The following DCDC2 variants were observed in gnomAD, a reference collection of about 807,000 sequenced individuals.
DCDC2 encodes doublecortin domain-containing protein 2.
In DCDC2, 40 loss-of-function variants were observed where a neutral mutation model predicts 50.2. The ratio of observed to expected loss-of-function variants is 0.80; its 90% CI spans 0.62 to 1.04. The LOEUF is 1.04. Ranked by LOEUF, DCDC2 falls within the 50% of genes least tolerant of loss-of-function variation. The pLI is 0.00. For missense variants in DCDC2, 570 were observed against 581.9 expected (o/e 0.98, Z 0.21); for synonymous variants, 234 against 210.6 (o/e 1.11, Z -0.96).
intron 8 of DCDC2, among the ~76,000 whole-genome samples, chr6:24,186,605 G>C (rs1761209769): frequency 6.6e-6 from 1 of 152,192 alleles, no homozygotes; most frequent in African/African-American, 2.4e-5. Context: ...ATAACCAATG[G>C]ATAATGAGGC....
At chr6:24,288,585 G>A (rs574532506) in intron 6 of DCDC2, among the ~76,000 whole-genome samples, 42 of 152,128 alleles carry the variant, frequency 2.8e-4, no homozygotes, top group Non-Finnish European at 5.7e-4. Flanking sequence ...ACAGTTTAAA[G>A]TATTATTGCC....
the DCDC2 span, among the ~76,000 whole-genome samples, chr6:24,376,737 C>CAAAAAAAAAA: frequency 8.6e-5 from 4 of 46,754 alleles, no homozygotes; most frequent in Non-Finnish European, 1.5e-4. Context: ...CAGGTATATG[C>CAAAAAAAAAA]AAAAAAAAAA....
At chr6:24,309,934 A>G (rs1385200741) in intron 2 of DCDC2, among the ~76,000 whole-genome samples, 2 of 152,220 alleles carry the variant, frequency 1.3e-5, no homozygotes, top group Non-Finnish European at 2.9e-5. Context: ...GTTCAGGACC[A>G]GCTTGGGCAA....
At chr6:24,355,830 GAGA>G (rs1324740722) in intron 1 of DCDC2, among the ~76,000 whole-genome samples, 12 of 152,020 alleles carry the variant, frequency 7.9e-5, no homozygotes, top group African/African-American at 1.7e-4. Context: ...ACAAATATAG[GAGA>G]AGAAGGATTA....
intron 2 of DCDC2, among the ~76,000 whole-genome samples, chr6:24,302,700 C>G (rs551831962): frequency 2.0e-5 from 3 of 152,194 alleles, no homozygotes; most frequent in Admixed American, 2.0e-4. Context: ...CACGGGGCCC[C>G]ATGAGCAGCC....
intron 7 of DCDC2, among the ~76,000 whole-genome samples, chr6:24,227,827 G>A (rs551423772): frequency 6.6e-6 from 1 of 152,300 alleles, no homozygotes; most frequent in Admixed American, 6.5e-5. Flanking sequence ...TAAACAGAAG[G>A]GGGCAGGTCA....
intron 2 of DCDC2, among the ~76,000 whole-genome samples, chr6:24,342,497 G>C (rs1386849175): frequency 6.6e-6 from 1 of 152,106 alleles, no homozygotes; most frequent in African/African-American, 2.4e-5. Context: ...CGCTCCTTCT[G>C]GGCTTCCACA....
intron 2 of DCDC2, among the ~76,000 whole-genome samples, chr6:24,320,217 C>G (rs775921704): frequency 5.9e-5 from 9 of 152,134 alleles, no homozygotes; most frequent in Non-Finnish European, 7.4e-5. Flanking sequence ...CCTACTATTA[C>G]AGAAAGAAGT....
intron 7 of DCDC2, among the ~76,000 whole-genome samples, chr6:24,236,001 T>C (rs1296558960): frequency 2.0e-5 from 3 of 152,154 alleles, no homozygotes; most frequent in Non-Finnish European, 4.4e-5. Context: ...GAAGAGCCAA[T>C]GTCATTAAAA....
chr6:24,286,403 G>A (rs966127277), intron 6 of DCDC2, among the ~76,000 whole-genome samples: 1 of 152,094 alleles, frequency 6.6e-6, no homozygotes, highest in African/African-American at 2.4e-5. Context: ...GAACAGCCTG[G>A]GCAACAAGGT....
At chr6:24,239,266 C>T (rs983080898) in intron 7 of DCDC2, among the ~76,000 whole-genome samples, 1 of 152,096 alleles carries the variant, frequency 6.6e-6, no homozygotes, top group Non-Finnish European at 1.5e-5. Context: ...GTGGCATTCC[C>T]TTTGGACCAA....
At chr6:24,227,499 C>T (rs1424656385) in intron 7 of DCDC2, among the ~76,000 whole-genome samples, 1 of 152,136 alleles carries the variant, frequency 6.6e-6, no homozygotes, top group Admixed American at 6.5e-5. Flanking sequence ...GAAGCCAGAC[C>T]CGTCAAAAGA....
chr6:24,312,199 G>A (rs969610454), intron 2 of DCDC2, among the ~76,000 whole-genome samples: 5 of 137,454 alleles, frequency 3.6e-5, no homozygotes, highest in Non-Finnish European at 6.0e-5. Context: ...CTGTAAAACT[G>A]CCTCACCCCA....
the DCDC2 span, among the ~76,000 whole-genome samples, chr6:24,382,802 T>C: frequency 5.4e-4 from 82 of 152,292 alleles, no homozygotes; most frequent in South Asian, 0.016. Flanking sequence ...TACCAACAAT[T>C]GTGTTTAGAT....
chr6:24,250,345 G>A (rs1473374792), intron 7 of DCDC2, among the ~76,000 whole-genome samples: 1 of 152,178 alleles, frequency 6.6e-6, no homozygotes, highest in Non-Finnish European at 1.5e-5. Flanking sequence ...TGGGTGCTCC[G>A]CCTGTCATAG....
intron 6 of DCDC2, among the ~76,000 whole-genome samples, chr6:24,285,694 T>G (rs17302582): frequency 0.12 from 18,463 of 152,220 alleles, 1,144 homozygotes; most frequent in East Asian, 0.17. Context: ...TACCTACACA[T>G]GCATTTTAAA....
At chr6:24,345,386 A>G (rs6904378) in intron 2 of DCDC2, among the ~76,000 whole-genome samples, 4,187 of 152,270 alleles carry the variant, frequency 0.027, 74 homozygotes, top group African/African-American at 0.049. Context: ...AAGGACATTC[A>G]CCTGAGTAAC....
intron 7 of DCDC2, among the ~76,000 whole-genome samples, chr6:24,240,605 A>T (rs1762544577): frequency 6.6e-6 from 1 of 152,254 alleles, no homozygotes; most frequent in Non-Finnish European, 1.5e-5. Context: ...CATGATTTAC[A>T]GACTAGGGGA....
intron 7 of DCDC2, among the ~76,000 whole-genome samples, chr6:24,229,435 T>C (rs1437044180): frequency 9.9e-5 from 15 of 152,152 alleles, no homozygotes; most frequent in Admixed American, 9.8e-4. Context: ...TTCAGGATCA[T>C]CTCCCTATTC....
Sources: gnomAD v4.1 joint callset for allele counts (sites outside exome capture counted in the v4.1 genomes callset) on GRCh38, gnomAD v4.1.1 for gene constraint, MANE v1.5 for transcripts, NCBI Gene and HGNC (gene_info 2026-07-23, HGNC 2026-07-21) for gene names.